Variants in NBEA observed in about 807,000 individuals in gnomAD.
The protein encoded by NBEA is lysosomal-trafficking regulator 2.
A neutral mutation model predicts 343.4 loss-of-function variants in NBEA; 44 were observed. The ratio of observed to expected loss-of-function variants is 0.13; its 90% CI spans 0.10 to 0.16. NBEA has a LOEUF of 0.16. NBEA is among the 10% of genes least tolerant of loss of function. The pLI is 1.00. For synonymous variants in NBEA, 1,175 were observed against 1,238.7 expected (o/e 0.95, Z 1.08); for missense variants, 2,555 against 3,631.3 (o/e 0.70, Z 7.62).
At chr13:35,124,561 CAT>C (rs560264802) in intron 17 of NBEA, among the ~76,000 whole-genome samples, 53 of 149,344 alleles carry the variant, frequency 3.5e-4, no homozygotes, top group African/African-American at 1.1e-3. Context: ...TATACATACA[CAT>C]ATATATGGAT....
At chr13:35,670,096 A>G (rs1203813623) in intron 58 of NBEA, among the ~76,000 whole-genome samples, 1 of 152,232 alleles carries the variant, frequency 6.6e-6, no homozygotes, top group Non-Finnish European at 1.5e-5. Flanking sequence ...ATAAACTGAT[A>G]AACATATATT....
In NBEA at chr13:35,070,578, T is replaced by C. The variant is rs541152453; in HGVS notation, c.1438-141T>C. 8 of 734,426 alleles carry C rather than the reference T, an allele frequency of 1.1e-5. No individual in the cohort carries two copies. The African/African-American group carries it at 1.4e-4, about 13-fold the overall frequency. The allele number at this position is 734,426 out of a possible 1,614,324, so 45.5% of individuals were successfully genotyped here. On this transcript the variant is annotated intron_variant, in intron 9 of 58. Transcript: ENST00000379939. ...CAAAGGTATTCACTTTTTTGTCTTATATGTGTATAAAAATTATAATTGAAG... is the reference window on the plus strand; with the variant it reads ...CAAAGGTATTCACTTTTTTGTCTTACATGTGTATAAAAATTATAATTGAAG...
chr13:35,624,939 T>G (rs987622307), intron 48 of NBEA, among the ~76,000 whole-genome samples: 1 of 152,054 alleles, frequency 6.6e-6, no homozygotes, highest in African/African-American at 2.4e-5. Flanking sequence ...AAATATATAT[T>G]TACACAGTAA....
intron 48 of NBEA, among the ~76,000 whole-genome samples, chr13:35,624,993 A>G (rs1412145139): frequency 6.6e-6 from 1 of 152,120 alleles, no homozygotes; most frequent in African/African-American, 2.4e-5. Flanking sequence ...TTTGTTTAAT[A>G]GATGGTATTG....
intron 31 of NBEA, among the ~76,000 whole-genome samples, chr13:35,196,824 A>G (rs556083281): frequency 1.3e-5 from 2 of 152,130 alleles, no homozygotes; most frequent in Non-Finnish European, 2.9e-5. Flanking sequence ...GAGATTTCCA[A>G]TACCAATGTA....
intron 41 of NBEA, chr13:35,475,579 C>A: frequency 6.2e-7 from 1 of 1,613,582 alleles, no homozygotes; most frequent in East Asian, 2.2e-5. Context: ...GGGAAGTGGC[C>A]AGTGGGCAGC....
chr13:35,008,563 A>G (rs963305170), intron 1 of NBEA, among the ~76,000 whole-genome samples: 5 of 152,190 alleles, frequency 3.3e-5, no homozygotes, highest in Admixed American at 6.5e-5. Context: ...GTTTGAATCC[A>G]TACACAGAGA....
rs565020630 is a variant in NBEA at position 35,118,599 on chromosome 13, G to T, written c.2243+125G>T. ...AAGTCTTGCACATAAGAGAATAAAT[G>T]GAGAATGCTGCTATTGATCCTCGAA... On this transcript the variant is annotated intron_variant, in intron 16 of 58. Coordinates refer to ENST00000379939, the MANE Select transcript of NBEA (RefSeq NM_001385012.1). 19 of 678,406 alleles carry T rather than the reference G, an allele frequency of 2.8e-5. No individual in the cohort carries two copies. The South Asian group carries it at 4.3e-4, about 15-fold the overall frequency. The allele number at this position is 678,406 out of a possible 1,614,324, so 42.0% of individuals were successfully genotyped here.
chr13:35,544,471 A>C (rs2078975934), intron 41 of NBEA, among the ~76,000 whole-genome samples: 1 of 152,210 alleles, frequency 6.6e-6, no homozygotes, highest in Non-Finnish European at 1.5e-5. Context: ...TTCTGACAAC[A>C]TATACATGTC....
At chr13:35,551,744 T>C (rs1566308538) in intron 43 of NBEA, among the ~76,000 whole-genome samples, 1 of 152,216 alleles carries the variant, frequency 6.6e-6, no homozygotes, top group Non-Finnish European at 1.5e-5. Context: ...GTCAGAACCC[T>C]GTTGGCTTTG....
chr13:35,489,535 C>T (rs1566212427), intron 41 of NBEA, among the ~76,000 whole-genome samples: 1 of 151,828 alleles, frequency 6.6e-6, no homozygotes, highest in Non-Finnish European at 1.5e-5. Flanking sequence ...TAATCTATGC[C>T]ACTTATTTTT....
intron 10 of NBEA, 55 bp from the exon 11 acceptor site, chr13:35,098,242 C>CT (rs2065439500): frequency 4.1e-6 from 5 of 1,220,962 alleles, no homozygotes. Flanking sequence ...AAGTGGGACA[C>CT]TGTTTATAAT....
At chr13:35,489,012 A>T (rs572066069) in intron 41 of NBEA, among the ~76,000 whole-genome samples, 100 of 151,992 alleles carry the variant, frequency 6.6e-4, no homozygotes, top group African/African-American at 1.6e-3. Flanking sequence ...TGGCAAAAAA[A>T]TTGCATTAAC....
intron 11 of NBEA, among the ~76,000 whole-genome samples, chr13:35,098,722 C>G (rs1281578098): frequency 6.6e-6 from 1 of 152,060 alleles, no homozygotes; most frequent in Admixed American, 6.6e-5. Flanking sequence ...GTGTCACTTA[C>G]CCATGGTCAA....
At chr13:35,536,607 AAC>A (rs2078557672) in intron 41 of NBEA, among the ~76,000 whole-genome samples, 1 of 152,128 alleles carries the variant, frequency 6.6e-6, no homozygotes, top group Non-Finnish European at 1.5e-5. Flanking sequence ...AGCTGCAAGT[AAC>A]AGACACTGTA....
At chr13:35,318,476 T>C (rs2152838587) in intron 36 of NBEA, among the ~76,000 whole-genome samples, 1 of 152,338 alleles carries the variant, frequency 6.6e-6, no homozygotes, top group East Asian at 1.9e-4. Context: ...GGATAAGCTT[T>C]TTGATGTGCT....
intron 34 of NBEA, among the ~76,000 whole-genome samples, chr13:35,241,525 C>T (rs796265476): frequency 2.5e-4 from 38 of 151,412 alleles, no homozygotes; most frequent in African/African-American, 8.7e-4. Context: ...GATACAAAAG[C>T]GTAAAGTGTA....
chr13:35,145,165 A>T lies in NBEA; in HGVS notation c.2445+2788A>T, dbSNP rs2068339681. ...AAAGCCTCTTGTTGTTTCCTTGACC[A>T]TTCAAGTAGTTCATGCTTTGGCACG... On this transcript the variant is annotated intron_variant, in intron 18 of 58. Transcript: ENST00000379939. Among the ~76,000 whole-genome samples, 3 of 152,322 alleles carry T rather than the reference A, an allele frequency of 2.0e-5. No homozygotes were observed. In the South Asian group the frequency reaches 6.2e-4, roughly 32 times the overall value.
intron 31 of NBEA, 29 bp downstream of exon 31, chr13:35,196,331 C>T: frequency 6.5e-7 from 1 of 1,538,628 alleles, no homozygotes; most frequent in Non-Finnish European, 8.8e-7. Context: ...ATTCACAGGG[C>T]TTTATACATA....
Sources: gnomAD v4.1 joint callset for allele counts (sites outside exome capture counted in the v4.1 genomes callset) on GRCh38, gnomAD v4.1.1 for gene constraint, MANE v1.5 for transcripts, NCBI Gene and HGNC (gene_info 2026-07-23, HGNC 2026-07-21) for gene names.